The following ODAD1 variants were observed in gnomAD, a reference collection of about 807,000 sequenced individuals.
ODAD1 encodes outer dynein arm docking complex subunit 1.
A neutral mutation model predicts 67.2 loss-of-function variants in ODAD1; 49 were observed. The ratio of observed to expected loss-of-function variants is 0.73; its 90% CI spans 0.58 to 0.92. The LOEUF (loss-of-function observed/expected upper bound fraction) is 0.92, where lower values mean the gene tolerates loss of function less well. ODAD1 is among the 40% of genes least tolerant of loss of function. ODAD1 has a pLI of 0.00. For missense variants in ODAD1, 897 were observed against 953.7 expected (o/e 0.94, Z 0.78); for synonymous variants, 345 against 393.7 (o/e 0.88, Z 1.46).
At chr19:48,315,922 C>T (rs192004958) in intron 5 of ODAD1, among the ~76,000 whole-genome samples, 21 of 152,290 alleles carry the variant, frequency 1.4e-4, no homozygotes, top group Admixed American at 3.9e-4. Context: ...CACCGATGGA[C>T]ATTTGGGTTG....
At chr19:48,320,602 G>C (rs1207399413) in intron 2 of ODAD1, among the ~76,000 whole-genome samples, 170 bp downstream of exon 2, 2 of 152,212 alleles carry the variant, frequency 1.3e-5, no homozygotes, top group Non-Finnish European at 2.9e-5. Flanking sequence ...TGGGTCTTGC[G>C]TCTAGGCTCC....
intron 9 of ODAD1, 54 bp from the exon 10 acceptor site, chr19:48,303,838 ACCT>A: frequency 6.3e-7 from 1 of 1,577,246 alleles, no homozygotes; most frequent in Non-Finnish European, 8.6e-7. Flanking sequence ...CAACACAGAG[ACCT>A]CCTGGGTGAG....
rs116780385 is a variant in ODAD1 at position 48,303,171 on chromosome 19, G to A, written c.989-76C>T. The A allele has an allele frequency of 5.6e-3, 6,524 of 1,157,616 alleles. 68 individuals carry two copies. The highest frequency in any genetic ancestry group is 0.032 in the African/African-American group (2,139 of 66,186). 71.7% of individuals were successfully genotyped at this position (1,157,616 alleles called of 1,614,324 possible). ...GAGACAGAGAGAACAGAGACAGAGA[G>A]GCATACAGAAGGCCAAAGAAAGTGA... On this transcript the variant is annotated intron_variant, in intron 10 of 15. Coordinates refer to ENST00000674294, the MANE Select transcript of ODAD1 (RefSeq NM_001364171.2).
rs1968298279 is a variant in ODAD1, at chr19:48,296,916, A to G, written c.*60T>C. 2 of 1,486,170 alleles carry G rather than the reference A, an allele frequency of 1.3e-6. No individual in the cohort carries two copies. The highest frequency in any genetic ancestry group is 8.9e-7 in the Non-Finnish European group (1 of 1,126,468). 92.1% of individuals were successfully genotyped at this position (1,486,170 alleles called of 1,614,324 possible). ...CCCACAAGGCAAACAGGGGAAGTAG[A>G]GACACAAAAAAAGACCCCACAGAGA... On this transcript the variant is annotated 3_prime_UTR_variant, in exon 16 of 16. Transcript: ENST00000674294.
In ODAD1 at chr19:48,318,814, T is replaced by G. The variant is rs963154615; in HGVS notation, c.71-2A>C. 5.8e-6 allele frequency: 9 copies of G among 1,542,920 alleles called. No homozygotes were observed. In the East Asian group the frequency reaches 1.7e-4, roughly 29 times the overall value. ...GCAGCCTACTCAGCTCCCAATCCAC[T>G]GAGAACAGGGCCAGCCAAGGGACTC... is the stretch of plus-strand genomic sequence containing the variant. On this transcript the variant is annotated splice_acceptor_variant, in intron 3 of 15. Transcript: ENST00000674294. LOFTEE classifies it high-confidence loss of function.
Position 48,304,144 on chromosome 19 carries a change from C to G in ODAD1, c.666-4G>C, listed in dbSNP as rs56177753. 6.3e-7 allele frequency: 1 copy of G among 1,597,072 alleles called. No individual in the cohort carries two copies. The highest frequency in any genetic ancestry group is 1.7e-5 in the Admixed American group (1 of 59,562). Reference sequence around the variant, plus strand: ...CATCTTGGCCTTCGCCTCCTCCCTGCGGGGGTCAGCCGGGGTCAGGATGAC... The same window carrying G: ...CATCTTGGCCTTCGCCTCCTCCCTGGGGGGGTCAGCCGGGGTCAGGATGAC... On this transcript the variant is annotated splice_polypyrimidine_tract_variant and splice_region_variant and intron_variant, in intron 8 of 15. Transcript: ENST00000674294.
rs761748771 is a variant in ODAD1 at position 48,297,459 on chromosome 19, CGCG to C, written c.1638_1640del (p.Ala547del). On this transcript the variant is annotated inframe_deletion, in exon 16 of 16. Transcript: ENST00000674294. Reference sequence around the variant, plus strand: ...CCACGCTCAGGGTGCCGTCCAGCTTCGCGGCGGCGGCGGCCAGGTCCTTCTGGC... The same window carrying C: ...CCACGCTCAGGGTGCCGTCCAGCTTCGCGGCGGCGGCCAGGTCCTTCTGGC... 2.1e-5 allele frequency: 34 copies of C among 1,601,004 alleles called. No homozygotes were observed. In the South Asian group the frequency reaches 2.5e-4, roughly 12 times the overall value.
chr19:48,306,302 G>A lies in ODAD1; in HGVS notation c.619C>T (p.Leu207=), dbSNP rs536856228. The A allele has an allele frequency of 2.6e-6, 4 of 1,551,508 alleles. No homozygotes were observed. The highest frequency in any genetic ancestry group is 2.4e-5 in the East Asian group (1 of 40,904). Residue 207 remains leucine (L), a synonymous_variant, in exon 8 of 16, where the codon CTG becomes TTG. Coordinates refer to ENST00000674294, the MANE Select transcript of ODAD1 (RefSeq NM_001364171.2). ...LKKEIHHLHH[L]VSTLILSSTS... ...GAGGAGAGGATAAGGGTGCTGACCAGGTGATGCAGGTGGTGGATCTCCTGT... is the reference window on the plus strand; with the variant it reads ...GAGGAGAGGATAAGGGTGCTGACCAAGTGATGCAGGTGGTGGATCTCCTGT...
chr19:48,312,357 G>A (rs2147328468), intron 5 of ODAD1, among the ~76,000 whole-genome samples: 1 of 150,528 alleles, frequency 6.6e-6, no homozygotes, highest in Non-Finnish European at 1.5e-5. Flanking sequence ...GATTGGCCTA[G>A]AGATGGGAAT....
At chr19:48,305,310 AGG>A (rs961944203) in intron 8 of ODAD1, among the ~76,000 whole-genome samples, 1 of 151,968 alleles carries the variant, frequency 6.6e-6, no homozygotes, top group Admixed American at 6.6e-5. Context: ...GTGGCCCGAG[AGG>A]ATCTCTGTCC....
At chr19:48,298,679 T>A (rs759255293) in intron 12 of ODAD1, among the ~76,000 whole-genome samples, 1 of 152,108 alleles carries the variant, frequency 6.6e-6, no homozygotes, top group Non-Finnish European at 1.5e-5. Flanking sequence ...ATCTTGAAAA[T>A]CTCAGCAATT....
rs751719122 is a variant in ODAD1, at chr19:48,297,637, C to T, written c.1534G>A (p.Asp512Asn). Residue 512 changes from aspartate to asparagine, a missense_variant, in exon 15 of 16, where the codon GAC (aspartate) becomes AAC (asparagine). Asp to Asn is a conservative substitution (Grantham distance 23). Coordinates refer to ENST00000674294, the MANE Select transcript of ODAD1 (RefSeq NM_001364171.2). ...EDPPGFEASD[D>N]YPMSREELLS... ...AGCTCCTCCCTGCTCATGGGGTAGTCATCGCTGGCCTCAAAACCCGGGGGG... is the reference window on the plus strand; with the variant it reads ...AGCTCCTCCCTGCTCATGGGGTAGTTATCGCTGGCCTCAAAACCCGGGGGG... 4.6e-6 allele frequency: 7 copies of T among 1,521,702 alleles called. No individual in the cohort carries two copies. The highest frequency in any genetic ancestry group is 6.2e-6 in the Non-Finnish European group (7 of 1,137,252). The allele number at this position is 1,521,702 out of a possible 1,614,324, so 94.3% of individuals were successfully genotyped here.
Position 48,303,073 on chromosome 19 carries a change from C to T in ODAD1, c.1011G>A (p.Glu337=). 6.2e-7 allele frequency: 1 copy of T among 1,614,140 alleles called. No homozygotes were observed. Among genetic ancestry groups the T allele is most frequent in the Non-Finnish European group, 8.5e-7 (1 of 1,180,028 alleles). ...YLEIEERNFA[E]FNFINEQNLE... is the part of the protein sequence containing the mutation. Reference sequence around the variant, plus strand: ...AGTTCTGCTCGTTGATGAAGTTGAACTCAGCAAAGTTGCGCTCCTCGACTG... The same window carrying T: ...AGTTCTGCTCGTTGATGAAGTTGAATTCAGCAAAGTTGCGCTCCTCGACTG... The change falls in exon 11 of 16, where the codon GAG becomes GAA. Residue 337 remains glutamate, a synonymous_variant. Transcript: ENST00000674294.
At chr19:48,307,955 T>C (rs1968660427) in intron 7 of ODAD1, among the ~76,000 whole-genome samples, 1 of 151,930 alleles carries the variant, frequency 6.6e-6, no homozygotes, top group African/African-American at 2.4e-5. Context: ...ACCCAGACTA[T>C]CTTCGTGTGC....
In ODAD1 at chr19:48,304,147, G is replaced by A. The variant is rs756163196; in HGVS notation, c.666-7C>T. The A allele has an allele frequency of 7.5e-6, 12 of 1,592,110 alleles. No individual in the cohort carries two copies. Among genetic ancestry groups the A allele is most frequent in the Admixed American group, 3.4e-5 (2 of 59,392 alleles). ...CTTGGCCTTCGCCTCCTCCCTGCGG[G>A]GGTCAGCCGGGGTCAGGATGACTGG... is the stretch of plus-strand genomic sequence containing the variant. On this transcript the variant is annotated splice_polypyrimidine_tract_variant and splice_region_variant and intron_variant, in intron 8 of 15. Transcript: ENST00000674294.
intron 6 of ODAD1, 44 bp downstream of exon 6, chr19:48,311,950 T>C (rs1230763408): frequency 6.5e-7 from 1 of 1,539,974 alleles, no homozygotes; most frequent in South Asian, 1.2e-5. Flanking sequence ...GTTCTTCCCA[T>C]AACCGCACAA....
intron 4 of ODAD1, 21 bp downstream of exon 4, chr19:48,318,691 AG>A: frequency 6.5e-7 from 1 of 1,537,620 alleles, no homozygotes; most frequent in Non-Finnish European, 8.8e-7. Context: ...TCCCCAGCTC[AG>A]GGCCCAGGCG....
intron 14 of ODAD1, 123 bp downstream of exon 14, chr19:48,297,877 A>T (rs1018039123): frequency 1.2e-6 from 1 of 839,548 alleles, no homozygotes; most frequent in East Asian, 2.7e-5. Flanking sequence ...TCATATTCTA[A>T]CCCCCCAGGG....
At chr19:48,308,147 C>CA (rs1968665881) in intron 7 of ODAD1, among the ~76,000 whole-genome samples, 1 of 151,096 alleles carries the variant, frequency 6.6e-6, no homozygotes, top group Non-Finnish European at 1.5e-5. Flanking sequence ...CTCAAATATA[C>CA]AGGGGGAGAA....
Sources: allele counts gnomAD v4.1 joint callset (sites outside exome capture counted in the v4.1 genomes callset), GRCh38; gene constraint gnomAD v4.1.1; transcripts MANE v1.5; gene names NCBI Gene and HGNC (gene_info 2026-07-23, HGNC 2026-07-21).